The following STK3 variants were observed in gnomAD, a reference collection of about 807,000 sequenced individuals.
The protein encoded by STK3 is serine/threonine-protein kinase 3.
STK3 carries 41 observed loss-of-function variants against 58.0 expected under a neutral mutation model. That is an observed-to-expected ratio of 0.71 (90% CI 0.55 to 0.92). The LOEUF is 0.92. Ranked by LOEUF, STK3 falls within the 40% of genes least tolerant of loss-of-function variation. The probability of loss-of-function intolerance (pLI) is 0.00; values close to 1 mark genes in which losing one functional copy is unlikely to be tolerated. For missense variants in STK3, 479 were observed against 602.7 expected, an observed-to-expected ratio of 0.79 and a Z score of 2.15; for synonymous variants, 170 against 191.0, an observed-to-expected ratio of 0.89 and a Z score of 0.91.
intron 7 of STK3, among the ~76,000 whole-genome samples, chr8:98,581,989 T>A (rs1182146763): frequency 6.6e-6 from 1 of 152,206 alleles, no homozygotes; most frequent in Non-Finnish European, 1.5e-5. Context: ...GAAGTGTTTT[T>A]GTATAAATCA....
chr8:98,735,434 T>C (rs941110018), intron 4 of STK3, among the ~76,000 whole-genome samples: 5 of 152,050 alleles, frequency 3.3e-5, no homozygotes, highest in African/African-American at 7.2e-5. Flanking sequence ...TGTGAAAAAA[T>C]CAGTTACTGA....
At chr8:98,509,559 T>C (rs1013485158) in intron 10 of STK3, among the ~76,000 whole-genome samples, 1 of 151,916 alleles carries the variant, frequency 6.6e-6, no homozygotes, top group African/African-American at 2.4e-5. Context: ...CTTGAAAGAA[T>C]CCTACCTAGT....
intron 1 of STK3, among the ~76,000 whole-genome samples, chr8:98,888,563 A>G (rs996083453): frequency 6.6e-6 from 1 of 152,208 alleles, no homozygotes; most frequent in Non-Finnish European, 1.5e-5. Context: ...TCTTAAATAA[A>G]AGTGTAAACC....
intron 1 of STK3, among the ~76,000 whole-genome samples, chr8:98,445,489 T>C (rs1818900958): frequency 1.3e-5 from 2 of 152,214 alleles, no homozygotes; most frequent in Admixed American, 6.5e-5. Flanking sequence ...TAAAAGATTA[T>C]TGAGATATTT....
At chr8:98,668,318 G>T (rs1822525756) in intron 6 of STK3, among the ~76,000 whole-genome samples, 1 of 152,154 alleles carries the variant, frequency 6.6e-6, no homozygotes, top group Admixed American at 6.5e-5. Context: ...ACTGAGGAGA[G>T]TCCTTTTATC....
At chr8:98,468,803 C>G (rs1820681220) in intron 10 of STK3, among the ~76,000 whole-genome samples, 1 of 152,116 alleles carries the variant, frequency 6.6e-6, no homozygotes, top group African/African-American at 2.4e-5. Flanking sequence ...AACTAATATG[C>G]AGAAATCACA....
At chr8:98,518,938 T>G (rs563609137) in intron 10 of STK3, among the ~76,000 whole-genome samples, 1 of 152,246 alleles carries the variant, frequency 6.6e-6, no homozygotes, top group African/African-American at 2.4e-5. Flanking sequence ...AGCTATCCAC[T>G]GGAACATTTG....
chr8:98,739,085 C>T (rs934222209), intron 4 of STK3, among the ~76,000 whole-genome samples: 8 of 152,226 alleles, frequency 5.3e-5, no homozygotes, highest in African/African-American at 7.2e-5. Flanking sequence ...ACAAAGCAGC[C>T]GGGAAGCTCC....
chr8:98,518,006 T>C (rs1027108127), intron 10 of STK3, among the ~76,000 whole-genome samples: 1 of 151,934 alleles, frequency 6.6e-6, no homozygotes, highest in African/African-American at 2.4e-5. Flanking sequence ...AAATGTAGAG[T>C]AGTCAATTTT....
chr8:98,711,970 G>A (rs1235101944), intron 4 of STK3, among the ~76,000 whole-genome samples: 2 of 152,178 alleles, frequency 1.3e-5, no homozygotes, highest in Non-Finnish European at 2.9e-5. Context: ...AGACAGGGGG[G>A]CCAATAGTCA....
intron 10 of STK3, among the ~76,000 whole-genome samples, chr8:98,503,145 GTGTCCAGTAATT>G (rs1162069060): frequency 7.2e-5 from 11 of 152,140 alleles, no homozygotes; most frequent in Admixed American, 7.2e-4. Flanking sequence ...GAGCATGTAT[GTGTCCAGTAATT>G]TATCCATTTC....
chr8:98,862,506 T>C (rs1017271497), intron 3 of STK3, among the ~76,000 whole-genome samples: 2 of 152,242 alleles, frequency 1.3e-5, no homozygotes, highest in Non-Finnish European at 2.9e-5. Context: ...TGTAAATTCA[T>C]AGGCCCTTTT....
At chr8:98,705,973 A>G (rs1329602189) in intron 6 of STK3, among the ~76,000 whole-genome samples, 1 of 152,164 alleles carries the variant, frequency 6.6e-6, no homozygotes, top group Non-Finnish European at 1.5e-5. Context: ...AAAAAAAATT[A>G]GCCGAATTCC....
intron 1 of STK3, among the ~76,000 whole-genome samples, chr8:98,440,945 C>G (rs1261910103): frequency 6.6e-6 from 1 of 152,164 alleles, no homozygotes; most frequent in Non-Finnish European, 1.5e-5. Flanking sequence ...TGAGGGTTCC[C>G]GTTGCCTTTT....
chr8:98,537,746 A>G (rs1177671714), intron 9 of STK3, among the ~76,000 whole-genome samples: 2 of 152,186 alleles, frequency 1.3e-5, no homozygotes, highest in Admixed American at 6.5e-5. Flanking sequence ...AATTCCTTCA[A>G]CTAGTTGCTC....
chr8:98,608,765 T>A (rs1442029590), intron 6 of STK3, among the ~76,000 whole-genome samples: 1 of 152,172 alleles, frequency 6.6e-6, no homozygotes, highest in East Asian at 1.9e-4. Flanking sequence ...CATAGCTTGA[T>A]GCAGTAGTCA....
chr8:98,499,097 A>C (rs190643237), intron 10 of STK3, among the ~76,000 whole-genome samples: 9 of 152,334 alleles, frequency 5.9e-5, no homozygotes, highest in Non-Finnish European at 1.0e-4. Context: ...CCTTGGAAGC[A>C]GAATCAGAGG....
At chr8:98,460,593 A>C (rs1235818902) in intron 10 of STK3, among the ~76,000 whole-genome samples, 1 of 152,186 alleles carries the variant, frequency 6.6e-6, no homozygotes, top group African/African-American at 2.4e-5. Context: ...TCTCATCTTG[A>C]AGTGTAATCT....
intron 1 of STK3, among the ~76,000 whole-genome samples, chr8:98,798,132 T>A (rs1427921545): frequency 1.3e-5 from 2 of 152,088 alleles, no homozygotes; most frequent in Admixed American, 1.3e-4. Flanking sequence ...TACTAACAAA[T>A]CTCATTAATA....
Sources: gnomAD v4.1 joint callset for allele counts (sites outside exome capture counted in the v4.1 genomes callset) on GRCh38, gnomAD v4.1.1 for gene constraint, MANE v1.5 for transcripts, NCBI Gene and HGNC (gene_info 2026-07-23, HGNC 2026-07-21) for gene names.